The following MBNL1 variants were observed in gnomAD, a reference collection of about 807,000 sequenced individuals.
MBNL1 encodes muscleblind-like protein 1.
MBNL1 carries 8 observed loss-of-function variants against 42.2 expected under a neutral mutation model. That is an observed-to-expected ratio of 0.19 (90% CI 0.11 to 0.34). The LOEUF (loss-of-function observed/expected upper bound fraction) is 0.34, where lower values mean the gene tolerates loss of function less well. Among genes scored for constraint, MBNL1 ranks in the 10% least tolerant of loss-of-function variants. The probability of loss-of-function intolerance (pLI) is 1.00; values close to 1 mark genes in which losing one functional copy is unlikely to be tolerated. For synonymous variants in MBNL1, 169 were observed against 173.9 expected (o/e 0.97, Z 0.22); for missense variants, 309 against 495.3 (o/e 0.62, Z 3.57).
At chr3:152,447,819 G>A (rs765544943) in intron 6 of MBNL1, 46 bp downstream of exon 6, 1 of 1,573,540 alleles carries the variant, frequency 6.4e-7, no homozygotes, top group Non-Finnish European at 8.7e-7. Context: ...GATCTACAGA[G>A]AGTCCTACTG....
At chr3:152,251,035 A>G (rs1389256854) in intron 2 of MBNL1, among the ~76,000 whole-genome samples, 1 of 152,132 alleles carries the variant, frequency 6.6e-6, no homozygotes, top group African/African-American at 2.4e-5. Flanking sequence ...CTGGTTCAAT[A>G]TACGCAAATC....
chr3:152,374,386 A>G (rs1481376482), intron 2 of MBNL1, among the ~76,000 whole-genome samples: 1 of 152,194 alleles, frequency 6.6e-6, no homozygotes, highest in Non-Finnish European at 1.5e-5. Flanking sequence ...TCAGCTGGAA[A>G]GTATGTATTA....
intron 2 of MBNL1, among the ~76,000 whole-genome samples, chr3:152,387,871 T>C (rs1228840162): frequency 1.3e-5 from 2 of 152,202 alleles, no homozygotes; most frequent in African/African-American, 2.4e-5. Context: ...AATTTATTGC[T>C]AGTAGTCTAA....
rs1342571665 is a variant in MBNL1 at position 152,269,014 on chromosome 3, C to T, written c.-868C>T. 8.8e-6 allele frequency: 4 copies of T among 456,170 alleles called. No homozygotes were observed. Among genetic ancestry groups the T allele is most frequent in the African/African-American group, 2.0e-5 (1 of 50,088 alleles). The allele number at this position is 456,170 out of a possible 1,614,324, so 28.3% of individuals were successfully genotyped here. ...GACAAGTTCCATTTTCCGTCGCGGG[C>T]ATCTTGGAATCATGACTCCCACAAT... On this transcript the variant is annotated 5_prime_UTR_variant, in exon 1 of 10. Transcript: ENST00000324210.
At chr3:152,279,272 G>C (rs143787042) in intron 1 of MBNL1, among the ~76,000 whole-genome samples, 56 of 152,162 alleles carry the variant, frequency 3.7e-4, no homozygotes, top group African/African-American at 1.3e-3. Flanking sequence ...AGAGGACACA[G>C]ACTTAGAGAA....
intron 2 of MBNL1, among the ~76,000 whole-genome samples, chr3:152,359,073 A>C (rs2095744610): frequency 6.6e-6 from 1 of 152,198 alleles, no homozygotes; most frequent in Non-Finnish European, 1.5e-5. Context: ...GAAGATTAAA[A>C]CCTTATATCC....
chr3:152,307,881 T>G (rs1421705799), intron 2 of MBNL1, among the ~76,000 whole-genome samples: 1 of 152,196 alleles, frequency 6.6e-6, no homozygotes, highest in Non-Finnish European at 1.5e-5. Flanking sequence ...CACTGTATTT[T>G]AAGTCAACAA....
intron 2 of MBNL1, among the ~76,000 whole-genome samples, chr3:152,333,929 G>T (rs1051371261): frequency 2.6e-5 from 4 of 152,206 alleles, no homozygotes; most frequent in Admixed American, 6.5e-5. Context: ...CTGTGACCTT[G>T]AAGAAGTTAT....
At chr3:152,318,317 AAACTT>A (rs997611863) in intron 2 of MBNL1, among the ~76,000 whole-genome samples, 95 of 152,324 alleles carry the variant, frequency 6.2e-4, no homozygotes, top group African/African-American at 2.2e-3. Flanking sequence ...TCTTACGACA[AAACTT>A]AAAACGGATA....
Position 152,464,361 on chromosome 3 carries a change from T to A in MBNL1, c.*1995T>A, listed in dbSNP as rs1749273373. On this transcript the variant is annotated 3_prime_UTR_variant, in exon 10 of 10. Transcript: ENST00000324210. ...GATTTAATATTACAGTGTAAGAATG[T>A]CAGTCATTGTTAGTTCTTGTCTAGT... is the stretch of plus-strand genomic sequence containing the variant. 1 of 152,518 alleles carries A rather than the reference T, an allele frequency of 6.6e-6. No individual in the cohort carries two copies. The allele number at this position is 152,518 out of a possible 1,614,324, so 9.4% of individuals were successfully genotyped here.
chr3:152,391,526 C>T (rs567562562), intron 2 of MBNL1, among the ~76,000 whole-genome samples: 1 of 152,230 alleles, frequency 6.6e-6, no homozygotes, highest in South Asian at 2.1e-4. Context: ...ATAAAGCTTT[C>T]CTGAAAATCA....
chr3:152,383,493 A>T (rs955877497), intron 2 of MBNL1, among the ~76,000 whole-genome samples: 1 of 152,026 alleles, frequency 6.6e-6, no homozygotes, highest in African/African-American at 2.4e-5. Flanking sequence ...GTTATAGAGA[A>T]TTAGAGAATT....
intron 1 of MBNL1, among the ~76,000 whole-genome samples, chr3:152,287,355 G>C (rs192980905): frequency 2.6e-5 from 4 of 152,254 alleles, no homozygotes; most frequent in Admixed American, 2.0e-4. Context: ...TGAAGTAGTC[G>C]ATGGAATATA....
chr3:152,363,744 C>G (rs1400063652), intron 2 of MBNL1, among the ~76,000 whole-genome samples: 1 of 152,034 alleles, frequency 6.6e-6, no homozygotes, highest in Non-Finnish European at 1.5e-5. Flanking sequence ...AATTAAATGC[C>G]TAAGTACGGG....
chr3:152,303,395 A>G (rs2061549508), intron 2 of MBNL1, among the ~76,000 whole-genome samples: 1 of 152,172 alleles, frequency 6.6e-6, no homozygotes, highest in Non-Finnish European at 1.5e-5. Flanking sequence ...AATTTATAAT[A>G]GTCTAAGAGC....
chr3:152,274,618 T>C (rs1407293100), intron 1 of MBNL1, among the ~76,000 whole-genome samples: 1 of 152,204 alleles, frequency 6.6e-6, no homozygotes, highest in Non-Finnish European at 1.5e-5. Flanking sequence ...AATATTATTC[T>C]GTTAACGCAG....
chr3:152,365,089 A>G (rs891812708), intron 2 of MBNL1, among the ~76,000 whole-genome samples: 4 of 152,110 alleles, frequency 2.6e-5, no homozygotes, highest in African/African-American at 9.7e-5. Context: ...CAGGTGGCAT[A>G]TGTAGAAAGC....
intron 2 of MBNL1, among the ~76,000 whole-genome samples, chr3:152,333,844 C>A (rs1435837695): frequency 6.6e-6 from 1 of 152,104 alleles, no homozygotes; most frequent in Non-Finnish European, 1.5e-5. Context: ...AAATGAAAAT[C>A]AAAATTAGTG....
intron 8 of MBNL1, chr3:152,458,731 G>T (rs1738870813): frequency 6.5e-6 from 1 of 154,034 alleles, no homozygotes. Context: ...ACAATAAAAG[G>T]TGTCATCAGG....
Sources: gnomAD v4.1 joint callset for allele counts (sites outside exome capture counted in the v4.1 genomes callset) on GRCh38, gnomAD v4.1.1 for gene constraint, MANE v1.5 for transcripts, NCBI Gene and HGNC (gene_info 2026-07-23, HGNC 2026-07-21) for gene names.